KIAA1671: variants seen among roughly 807,000 people sequenced by gnomAD.
The protein encoded by KIAA1671 is KIAA1671.
A neutral mutation model predicts 131.2 loss-of-function variants in KIAA1671; 52 were observed. The ratio of observed to expected loss-of-function variants is 0.40; its 90% CI spans 0.32 to 0.50. KIAA1671 has a LOEUF of 0.50. KIAA1671 is among the 20% of genes least tolerant of loss of function. The pLI is 0.73. For missense variants in KIAA1671, 2,360 were observed against 2,364.2 expected (o/e 1.00, Z 0.04); for synonymous variants, 1,003 against 961.6 (o/e 1.04, Z -0.80).
At chr22:25,133,309 C>T (rs1416331917) in intron 6 of KIAA1671, among the ~76,000 whole-genome samples, 2 of 152,188 alleles carry the variant, frequency 1.3e-5, no homozygotes, top group East Asian at 3.9e-4. Context: ...TTTCCACTTT[C>T]AGAAATGCTA....
intron 6 of KIAA1671, among the ~76,000 whole-genome samples, chr22:25,142,775 A>G (rs1932825430): frequency 6.6e-6 from 1 of 152,234 alleles, no homozygotes; most frequent in South Asian, 2.1e-4. Flanking sequence ...AGGCTGAGAC[A>G]GGAGAATTAC....
At chr22:25,057,946 C>T (rs1226250977) in intron 6 of KIAA1671, 2 of 152,166 alleles carry the variant, frequency 1.3e-5, no homozygotes, top group Non-Finnish European at 2.9e-5. Flanking sequence ...CAGCCTCATC[C>T]CTCCTTTGAA....
At chr22:25,084,922 A>G (rs770534423) in intron 6 of KIAA1671, among the ~76,000 whole-genome samples, 1 of 152,210 alleles carries the variant, frequency 6.6e-6, no homozygotes, top group Non-Finnish European at 1.5e-5. Flanking sequence ...TCCTCACAAC[A>G]TGGCAGCTTA....
At chr22:25,189,016 G>T (rs896620251) in intron 11 of KIAA1671, among the ~76,000 whole-genome samples, 1 of 152,116 alleles carries the variant, frequency 6.6e-6, no homozygotes. Flanking sequence ...TCATGTGATT[G>T]TGGAGGCAGG....
intron 6 of KIAA1671, among the ~76,000 whole-genome samples, chr22:25,138,464 A>T (rs1448162659): frequency 2.0e-5 from 3 of 152,224 alleles, no homozygotes; most frequent in Non-Finnish European, 4.4e-5. Context: ...CACAGTCTCA[A>T]CATGATCTTT....
chr22:25,039,580 GC>G lies in KIAA1671; in HGVS notation c.2453del (p.Pro818ArgfsTer11). The G allele has an allele frequency of 6.4e-7, 1 of 1,551,786 alleles. No individual in the cohort carries two copies. The highest frequency in any genetic ancestry group is 8.7e-7 in the Non-Finnish European group (1 of 1,147,000). ...EASGPKFGGN[C>X]PFPKWTGGAV... ...AGTGGACCGAAGTTTGGGGGCAATT[GC>G]CCGTTTCCCAAATGGACAGGCGGGG... On this transcript the variant is annotated frameshift_variant, in exon 5 of 13. Coordinates refer to ENST00000358431, the MANE Select transcript of KIAA1671 (RefSeq NM_001145206.2). LOFTEE classifies it high-confidence loss of function.
intron 1 of KIAA1671, among the ~76,000 whole-genome samples, chr22:25,020,785 C>A (rs1925624264): frequency 6.6e-6 from 1 of 152,260 alleles, no homozygotes; most frequent in East Asian, 1.9e-4. Flanking sequence ...TGTTTTGTGG[C>A]CTGTCTGGGG....
chr22:25,078,930 C>T (rs1929250381), intron 6 of KIAA1671, among the ~76,000 whole-genome samples: 1 of 152,158 alleles, frequency 6.6e-6, no homozygotes, highest in Non-Finnish European at 1.5e-5. Flanking sequence ...CCCTACTGGG[C>T]CACTTATTAA....
chr22:25,093,788 C>CTCTCTCTGTCTCTCTCTCTT (rs1568951295), intron 6 of KIAA1671, among the ~76,000 whole-genome samples: 4 of 94,664 alleles, frequency 4.2e-5, no homozygotes, highest in African/African-American at 1.4e-4. Flanking sequence ...CTCTCTCTCT[C>CTCTCTCTGTCTCTCTCTCTT]TCTCTCTCTC....
At chr22:25,114,354 C>T (rs1931547093) in intron 6 of KIAA1671, among the ~76,000 whole-genome samples, 1 of 152,224 alleles carries the variant, frequency 6.6e-6, no homozygotes, top group African/African-American at 2.4e-5. Flanking sequence ...AGCAAGCCCC[C>T]AGCACAGTGC....
intron 6 of KIAA1671, chr22:25,054,006 TG>T (rs1334600621): frequency 2.2e-5 from 3 of 137,750 alleles, no homozygotes; most frequent in Non-Finnish European, 4.6e-5. Flanking sequence ...CTGGGCAACA[TG>T]GTGAAACCCT....
intron 8 of KIAA1671, chr22:25,175,913 A>C (rs1257274661): frequency 2.0e-5 from 3 of 152,212 alleles, no homozygotes; most frequent in Non-Finnish European, 1.5e-5. Context: ...CTGTGGGGAT[A>C]CTGAGGTTTA....
chr22:25,028,250 T>G lies in KIAA1671; in HGVS notation c.251T>G (p.Leu84Arg). Residue 84 changes from leucine (L) to arginine (R), a missense_variant, in exon 3 of 13, where the codon CTG (leucine) becomes CGG (arginine). Leu to Arg is a moderately radical substitution (Grantham distance 102). Around this residue, in one of 3 missense-constraint regions of KIAA1671, gnomAD observed 1,185 missense variants for 1,126.2 expected, o/e 1.05. Transcript: ENST00000358431. ...GACGTGAAATCTCCTGTCCCGTCTC[T>G]GCGGCCCAGTTCGACTGGACCTTCC... The part of the protein sequence containing the change: ...EQDVKSPVPS[L>R]RPSSTGPSPS... The G allele has an allele frequency of 9.0e-6, 14 of 1,551,658 alleles. No homozygotes were observed. Among genetic ancestry groups the G allele is most frequent in the East Asian group, 4.9e-5 (2 of 40,908 alleles).
chr22:25,159,294 C>T (rs530194752), intron 6 of KIAA1671, among the ~76,000 whole-genome samples: 72 of 152,190 alleles, frequency 4.7e-4, no homozygotes, highest in Non-Finnish European at 9.8e-4. Flanking sequence ...CCACAGGCAT[C>T]ATTTTGCAGC....
At chr22:24,997,501 G>A (rs1924200016) in intron 1 of KIAA1671, among the ~76,000 whole-genome samples, 1 of 152,270 alleles carries the variant, frequency 6.6e-6, no homozygotes, top group East Asian at 1.9e-4. Flanking sequence ...TCCGGGATAA[G>A]TGAGTTAGGA....
intron 6 of KIAA1671, chr22:25,053,979 A>G (rs1353800419): frequency 2.6e-5 from 4 of 151,100 alleles, no homozygotes; most frequent in African/African-American, 9.8e-5. Context: ...GCCTGAGCTC[A>G]GGAGTTCGAG....
intron 6 of KIAA1671, among the ~76,000 whole-genome samples, chr22:25,135,707 G>A (rs565092683): frequency 2.2e-4 from 33 of 152,340 alleles, no homozygotes; most frequent in African/African-American, 7.5e-4. Flanking sequence ...TCACGTGGCT[G>A]TCTGGTGGGT....
intron 9 of KIAA1671, among the ~76,000 whole-genome samples, chr22:25,178,837 C>T (rs1241338208): frequency 6.6e-6 from 1 of 151,596 alleles, no homozygotes; most frequent in Non-Finnish European, 1.5e-5. Context: ...CAGACACCAT[C>T]ACCCGCCTCC....
intron 6 of KIAA1671, among the ~76,000 whole-genome samples, chr22:25,075,123 A>G (rs1393104234): frequency 6.6e-6 from 1 of 152,202 alleles, no homozygotes; most frequent in Non-Finnish European, 1.5e-5. Flanking sequence ...ACTCCAGACT[A>G]AATTCCAGTG....
Sources: gnomAD v4.1 joint callset for allele counts (sites outside exome capture counted in the v4.1 genomes callset) on GRCh38, gnomAD v4.1.1 for gene constraint, gnomAD v4.1.1 regional missense constraint, MANE v1.5 for transcripts, NCBI Gene and HGNC (gene_info 2026-07-23, HGNC 2026-07-21) for gene names.